PABPC4L: variants seen among roughly 807,000 people sequenced by gnomAD.
PABPC4L encodes poly(A) binding protein cytoplasmic 4 like.
For synonymous variants in PABPC4L, 169 were observed against 164.1 expected, an observed-to-expected ratio of 1.03 and a Z score of -0.23; for missense variants, 452 against 451.4, an observed-to-expected ratio of 1.00 and a Z score of -0.01.
the PABPC4L span, among the ~76,000 whole-genome samples, chr4:134,117,155 T>G: frequency 2.0e-5 from 3 of 151,912 alleles, no homozygotes; most frequent in African/African-American, 4.8e-5. Context: ...CCATTCCATA[T>G]TTTCATCTTA....
At chr4:134,070,604 G>C in the PABPC4L span, among the ~76,000 whole-genome samples, 1 of 152,098 alleles carries the variant, frequency 6.6e-6, no homozygotes, top group South Asian at 2.1e-4. Flanking sequence ...AGGAGGGGAG[G>C]TGTGGTCTGC....
At chr4:134,034,563 G>A in the PABPC4L span, among the ~76,000 whole-genome samples, 2 of 151,966 alleles carry the variant, frequency 1.3e-5, no homozygotes, top group Non-Finnish European at 2.9e-5. Context: ...GATTCTTGGG[G>A]GAGGTAAAAC....
chr4:134,108,494 C>A, the PABPC4L span, among the ~76,000 whole-genome samples: 9 of 151,830 alleles, frequency 5.9e-5, no homozygotes, highest in African/African-American at 2.2e-4. Flanking sequence ...TGGCATCTGA[C>A]CAATTCAAGA....
chr4:134,097,133 A>C, the PABPC4L span, among the ~76,000 whole-genome samples: 5 of 151,972 alleles, frequency 3.3e-5, no homozygotes, highest in Admixed American at 2.0e-4. Flanking sequence ...GCAGTTATCA[A>C]GGAAAAAATA....
chr4:134,084,490 G>A, the PABPC4L span, among the ~76,000 whole-genome samples: 1 of 151,478 alleles, frequency 6.6e-6, no homozygotes, highest in Non-Finnish European at 1.5e-5. Context: ...GCAAATTGAT[G>A]GATTTTTTTT....
the PABPC4L span, among the ~76,000 whole-genome samples, chr4:133,964,945 T>A: frequency 0.3 from 44,880 of 151,886 alleles, 10,009 homozygotes; most frequent in African/African-American, 0.59. Flanking sequence ...TCTATTCAAC[T>A]TAGTACTGGA....
At chr4:134,138,685 A>T in the PABPC4L span, among the ~76,000 whole-genome samples, 1 of 151,862 alleles carries the variant, frequency 6.6e-6, no homozygotes, top group Non-Finnish European at 1.5e-5. Context: ...GAAATTATAA[A>T]GCTACATTTA....
the PABPC4L span, among the ~76,000 whole-genome samples, chr4:133,985,973 C>G: frequency 4.6e-5 from 7 of 152,030 alleles, no homozygotes; most frequent in Non-Finnish European, 7.4e-5. Context: ...GCTCTGGTGT[C>G]TGCAGAACGT....
chr4:134,051,497 T>A, the PABPC4L span, among the ~76,000 whole-genome samples: 1 of 152,170 alleles, frequency 6.6e-6, no homozygotes, highest in African/African-American at 2.4e-5. Context: ...CACTGCCAAT[T>A]GAGCATTCTG....
the PABPC4L span, among the ~76,000 whole-genome samples, chr4:134,122,295 A>T: frequency 6.6e-6 from 1 of 151,924 alleles, no homozygotes; most frequent in Non-Finnish European, 1.5e-5. Flanking sequence ...CTCACAGAAT[A>T]TCTGCCATCA....
At chr4:134,101,193 G>C in the PABPC4L span, among the ~76,000 whole-genome samples, 1 of 151,380 alleles carries the variant, frequency 6.6e-6, no homozygotes, top group Admixed American at 6.6e-5. Context: ...TGTATTAAAA[G>C]CATTAGTTAT....
the PABPC4L span, among the ~76,000 whole-genome samples, chr4:134,098,775 T>C: frequency 6.6e-6 from 1 of 151,648 alleles, no homozygotes; most frequent in Non-Finnish European, 1.5e-5. Flanking sequence ...AAATGGAGAA[T>C]GATAATAAAA....
chr4:134,018,821 T>C, the PABPC4L span, among the ~76,000 whole-genome samples: 2 of 152,172 alleles, frequency 1.3e-5, no homozygotes, highest in African/African-American at 4.8e-5. Context: ...TAGGAAACTA[T>C]GAATGAAACT....
chr4:134,172,432 T>C, the PABPC4L span, among the ~76,000 whole-genome samples: 3 of 152,138 alleles, frequency 2.0e-5, no homozygotes, highest in Non-Finnish European at 4.4e-5. Flanking sequence ...ATTCAATAAA[T>C]GATGCTAGGA....
the PABPC4L span, among the ~76,000 whole-genome samples, chr4:133,964,037 G>A: frequency 1.2e-4 from 18 of 152,142 alleles, no homozygotes; most frequent in East Asian, 2.5e-3. Flanking sequence ...ACAAAAACCT[G>A]TGTCTTTGAA....
the PABPC4L span, among the ~76,000 whole-genome samples, chr4:134,115,871 A>G: frequency 6.6e-6 from 1 of 151,822 alleles, no homozygotes; most frequent in Non-Finnish European, 1.5e-5. Context: ...GGAGTATTAA[A>G]CTGATTGGAA....
the PABPC4L span, among the ~76,000 whole-genome samples, chr4:134,009,638 A>AT: frequency 6.6e-6 from 1 of 151,900 alleles, no homozygotes; most frequent in Non-Finnish European, 1.5e-5. Context: ...TGTGGAGAAC[A>AT]TTTTTTTCAG....
At chr4:134,081,397 T>C in the PABPC4L span, among the ~76,000 whole-genome samples, 12 of 152,094 alleles carry the variant, frequency 7.9e-5, no homozygotes, top group African/African-American at 2.9e-4. Flanking sequence ...CCAAAGCATT[T>C]ATTAGAGGAA....
the PABPC4L span, among the ~76,000 whole-genome samples, chr4:134,112,078 T>C: frequency 6.6e-6 from 1 of 152,082 alleles, no homozygotes; most frequent in Middle Eastern, 3.4e-3. Context: ...GTAAAATCTG[T>C]ACTCAGAAGA....
Sources: gnomAD v4.1 joint callset for allele counts (sites outside exome capture counted in the v4.1 genomes callset) on GRCh38, gnomAD v4.1.1 for gene constraint, MANE v1.5 for transcripts, NCBI Gene and HGNC (gene_info 2026-07-23, HGNC 2026-07-21) for gene names.